The following MYPN variants were observed in gnomAD, a reference collection of about 807,000 sequenced individuals.
MYPN encodes sarcomeric protein myopalladin, 145 kDa (MYOP).
MYPN carries 63 observed loss-of-function variants against 129.4 expected under a neutral mutation model. The observed-to-expected ratio is 0.49, with a 90% CI of 0.40 to 0.60. The LOEUF (loss-of-function observed/expected upper bound fraction) is 0.60, where lower values mean the gene tolerates loss of function less well. Ranked by LOEUF, MYPN falls within the 20% of genes least tolerant of loss-of-function variation. The pLI is 0.00. For missense variants in MYPN, 1,596 were observed against 1,635.4 expected (o/e 0.98, Z 0.42); for synonymous variants, 629 against 600.9 (o/e 1.05, Z -0.68).
intron 5 of MYPN, among the ~76,000 whole-genome samples, chr10:68,149,594 C>T (rs2042731187): frequency 6.6e-6 from 1 of 152,166 alleles, no homozygotes; most frequent in South Asian, 2.1e-4. Flanking sequence ...CCACCATACC[C>T]AGCCTGATAT....
At chr10:68,135,649 A>G (rs2042475667) in intron 2 of MYPN, 1 of 236,160 alleles carries the variant, frequency 4.2e-6, no homozygotes, top group Non-Finnish European at 6.9e-6. Context: ...GCCTTCTTGA[A>G]AAAATGAAAA....
At chr10:68,131,785 T>C (rs2134026867) in intron 2 of MYPN, among the ~76,000 whole-genome samples, 1 of 151,296 alleles carries the variant, frequency 6.6e-6, no homozygotes, top group Non-Finnish European at 1.5e-5. Context: ...TTTTTAATGC[T>C]ATTATTATTT....
Position 68,189,113 on chromosome 10 carries a change from T to TACCTGTTCCAAAGGTAGGGAA in MYPN, c.2913_2925+8dup, listed in dbSNP as rs1347141464. The TACCTGTTCCAAAGGTAGGGAA allele has an allele frequency of 3.1e-6, 5 of 1,613,776 alleles. No homozygotes were observed. Among genetic ancestry groups the TACCTGTTCCAAAGGTAGGGAA allele is most frequent in the Non-Finnish European group, 4.2e-6 (5 of 1,179,798 alleles). On this transcript the variant is annotated inframe_insertion, in exon 13 of 20. Transcript: ENST00000358913. ...ACATTCACCTGCAAAATTGTTGGGA[T>TACCTGTTCCAAAGGTAGGGAA]ACCTGTTCCAAAGGTAGGGAAGATG...
chr10:68,110,207 A>C (rs910604336), intron 1 of MYPN, among the ~76,000 whole-genome samples: 1 of 152,202 alleles, frequency 6.6e-6, no homozygotes, highest in African/African-American at 2.4e-5. Flanking sequence ...TGTACACAAC[A>C]GCTGCAGAAA....
At chr10:68,123,129 C>T (rs1449403312) in intron 2 of MYPN, among the ~76,000 whole-genome samples, 1 of 152,078 alleles carries the variant, frequency 6.6e-6, no homozygotes, top group East Asian at 1.9e-4. Flanking sequence ...AATCCCAGCA[C>T]TTTGGGAGGC....
intron 18 of MYPN, among the ~76,000 whole-genome samples, chr10:68,204,549 C>T (rs2043778909): frequency 6.6e-6 from 1 of 152,062 alleles, no homozygotes; most frequent in Admixed American, 6.6e-5. Context: ...TGGCAAAACC[C>T]TGTCTCTACT....
At chr10:68,129,022 C>G (rs1233300880) in intron 2 of MYPN, among the ~76,000 whole-genome samples, 1 of 151,376 alleles carries the variant, frequency 6.6e-6, no homozygotes, top group Non-Finnish European at 1.5e-5. Flanking sequence ...TTTAATGTGC[C>G]TTAAACTAGT....
At chr10:68,197,621 C>G (rs528399469) in intron 16 of MYPN, 143 bp downstream of exon 16, 1 of 929,852 alleles carries the variant, frequency 1.1e-6, no homozygotes, top group South Asian at 1.5e-5. Context: ...TTTTTTTCAT[C>G]ATAAGGCTTG....
intron 2 of MYPN, among the ~76,000 whole-genome samples, chr10:68,139,456 C>G (rs952274440): frequency 6.6e-6 from 1 of 152,152 alleles, no homozygotes. Context: ...CTTTTTGTCT[C>G]TATGGTTTTG....
chr10:68,199,015 C>G (rs1216868418), intron 16 of MYPN, among the ~76,000 whole-genome samples: 1 of 151,718 alleles, frequency 6.6e-6, no homozygotes, highest in Non-Finnish European at 1.5e-5. Flanking sequence ...GAAAAAAAAT[C>G]TGGCTTTTCT....
chr10:68,182,469 TATACACACAC>T (rs2043350315), intron 12 of MYPN, among the ~76,000 whole-genome samples: 3 of 111,996 alleles, frequency 2.7e-5, no homozygotes, highest in Non-Finnish European at 5.5e-5. Flanking sequence ...ATATAACATA[TATACACACAC>T]ACACACACAC....
chr10:68,196,473 C>A (rs886583752), intron 15 of MYPN, among the ~76,000 whole-genome samples: 1 of 115,960 alleles, frequency 8.6e-6, no homozygotes, highest in African/African-American at 2.7e-5. Context: ...TGCAACTATA[C>A]CTTCTTCTTC....
Position 68,121,519 on chromosome 10 carries a change from G to A in MYPN, c.81G>A (p.Arg27=), listed in dbSNP as rs777311807. Residue 27 remains arginine (R), a synonymous_variant, in exon 2 of 20, where the codon CGG becomes CGA. Transcript: ENST00000358913. The part of the protein sequence containing the change: ...RESYLAETRH[R]GNNERSRAEP... ...GCTATTTAGCTGAAACCAGACATCG[G>A]GGAAACAATGAGAGGAGTCGAGCGG... 17 of 1,614,024 alleles carry A rather than the reference G, an allele frequency of 1.1e-5. No homozygotes were observed. Among genetic ancestry groups the A allele is most frequent in the Middle Eastern group, 1.6e-4 (1 of 6,082 alleles).
At chr10:68,179,283 C>T (rs1014701762) in intron 12 of MYPN, among the ~76,000 whole-genome samples, 3 of 152,078 alleles carry the variant, frequency 2.0e-5, no homozygotes, top group African/African-American at 4.8e-5. Flanking sequence ...TTTATGCTGC[C>T]CACTTTGGGC....
chr10:68,136,783 TA>T, intron 2 of MYPN: 1 of 1,492,366 alleles, frequency 6.7e-7, no homozygotes, highest in Non-Finnish European at 9.0e-7. Context: ...ATAATGTTTG[TA>T]TAATGGAAAG....
rs540875184 is a variant in MYPN, at chr10:68,166,048, C to T, written c.1600+230C>T. Among the ~76,000 whole-genome samples, 4 of 152,294 alleles carry T rather than the reference C, an allele frequency of 2.6e-5. No homozygotes were observed. In the South Asian group the frequency reaches 8.3e-4, roughly 32 times the overall value. Reference sequence around the variant, plus strand: ...CTGTCATCACTATATTTCCTGAGAACATCTCCTCAATAAATTTCTAAATTT... The same window carrying T: ...CTGTCATCACTATATTTCCTGAGAATATCTCCTCAATAAATTTCTAAATTT... On this transcript the variant is annotated intron_variant, in intron 9 of 19. Coordinates refer to ENST00000358913, the MANE Select transcript of MYPN (RefSeq NM_032578.4).
intron 12 of MYPN, among the ~76,000 whole-genome samples, chr10:68,177,615 T>C (rs1188638409): frequency 6.6e-6 from 1 of 152,178 alleles, no homozygotes; most frequent in Non-Finnish European, 1.5e-5. Context: ...TAAAATATAC[T>C]GTGACCCACG....
At chr10:68,196,107 G>A (rs1259880169) in intron 15 of MYPN, among the ~76,000 whole-genome samples, 1 of 152,084 alleles carries the variant, frequency 6.6e-6, no homozygotes, top group African/African-American at 2.4e-5. Flanking sequence ...TCCCAACCTG[G>A]CATGCTTTTA....
chr10:68,098,374 A>G (rs2041967031), intron 1 of MYPN, among the ~76,000 whole-genome samples: 1 of 152,240 alleles, frequency 6.6e-6, no homozygotes, highest in African/African-American at 2.4e-5. Flanking sequence ...TAATAGATTT[A>G]GAATCTAAAT....
Sources: allele counts gnomAD v4.1 joint callset (sites outside exome capture counted in the v4.1 genomes callset), GRCh38; gene constraint gnomAD v4.1.1; transcripts MANE v1.5; gene names NCBI Gene and HGNC (gene_info 2026-07-23, HGNC 2026-07-21).